The following MAST2 variants were observed in gnomAD, a reference collection of about 807,000 sequenced individuals.
MAST2 encodes the protein microtubule associated serine/threonine kinase 2.
In MAST2, 70 loss-of-function variants were observed where a neutral mutation model predicts 147.4. The ratio of observed to expected loss-of-function variants is 0.47; its 90% CI spans 0.39 to 0.58. MAST2 has a LOEUF of 0.58. Among genes scored for constraint, MAST2 ranks in the 20% least tolerant of loss-of-function variants. MAST2 has a pLI of 0.00. For missense variants in MAST2, 2,080 were observed against 2,302.3 expected, an observed-to-expected ratio of 0.90 and a Z score of 1.98; for synonymous variants, 869 against 896.8, an observed-to-expected ratio of 0.97 and a Z score of 0.55.
intron 4 of MAST2, among the ~76,000 whole-genome samples, chr1:45,888,658 G>A (rs1647203022): frequency 1.9e-5 from 2 of 103,042 alleles, no homozygotes; most frequent in South Asian, 3.0e-4. Context: ...CACCGCGCGC[G>A]GCCTCTTTTT....
chr1:45,869,775 A>G (rs1242100992), intron 3 of MAST2, among the ~76,000 whole-genome samples: 1 of 152,254 alleles, frequency 6.6e-6, no homozygotes, highest in Non-Finnish European at 1.5e-5. Flanking sequence ...TTGATAAAGT[A>G]CAGTATATTA....
chr1:45,905,174 C>CTTTTTT (rs1206585552), intron 4 of MAST2, among the ~76,000 whole-genome samples: 2 of 128,118 alleles, frequency 1.6e-5, no homozygotes, highest in Non-Finnish European at 3.3e-5. Context: ...TATGTTTAAT[C>CTTTTTT]TTTTTTTTTT....
rs116032456 is a variant in MAST2, at chr1:45,952,012, A to G, written c.501-7374A>G. Among the ~76,000 whole-genome samples the G allele has an allele frequency of 6.6e-3, 1,011 of 152,360 alleles. 12 individuals are homozygous for G. The highest frequency in any genetic ancestry group is 0.023 in the African/African-American group (975 of 41,588). Reference sequence around the variant, plus strand: ...ATTGCAGTACTGCAGAGCCATGAAAACAAAGAGAATATCTTAAAGAACCCT... The same window carrying G: ...ATTGCAGTACTGCAGAGCCATGAAAGCAAAGAGAATATCTTAAAGAACCCT... On this transcript the variant is annotated intron_variant, in intron 4 of 28. Coordinates refer to ENST00000361297, the MANE Select transcript of MAST2 (RefSeq NM_015112.3).
intron 4 of MAST2, among the ~76,000 whole-genome samples, chr1:45,934,252 C>T (rs573362320): frequency 3.9e-5 from 6 of 152,232 alleles, no homozygotes; most frequent in East Asian, 1.9e-4. Context: ...ACATAATTTC[C>T]GGTGGGCGGA....
rs566147563 is a variant in MAST2 at position 45,816,878 on chromosome 1, C to T, written c.178-7555C>T. On this transcript the variant is annotated intron_variant, in intron 1 of 28. Coordinates refer to ENST00000361297, the MANE Select transcript of MAST2 (RefSeq NM_015112.3). Reference sequence around the variant, plus strand: ...TTTTTTAGTAGAGACGGGGTTTCACCGTGTCAACCAGGATGGTCTCGATCT... The same window carrying T: ...TTTTTTAGTAGAGACGGGGTTTCACTGTGTCAACCAGGATGGTCTCGATCT... Among the ~76,000 whole-genome samples the T allele has an allele frequency of 9.0e-4, 137 of 152,098 alleles. 2 individuals carry two copies. Among genetic ancestry groups the T allele is most frequent in the Middle Eastern group, 6.8e-3 (2 of 294 alleles).
intron 3 of MAST2, among the ~76,000 whole-genome samples, chr1:45,848,110 A>G (rs998100902): frequency 2.0e-5 from 3 of 152,218 alleles, no homozygotes; most frequent in Admixed American, 6.5e-5. Context: ...TGTATAGGGA[A>G]CAAGGCTGGT....
chr1:45,908,297 A>G (rs561872886), intron 4 of MAST2, among the ~76,000 whole-genome samples: 3 of 152,194 alleles, frequency 2.0e-5, no homozygotes, highest in Non-Finnish European at 4.4e-5. Flanking sequence ...TGCTGCACCC[A>G]TCAACCCATA....
rs1401212593 is a variant in MAST2, at chr1:46,029,669, C to T, written c.2320+102C>T. 4.4e-6 allele frequency: 6 copies of T among 1,377,972 alleles called. No homozygotes were observed. In the Admixed American group the frequency reaches 1.0e-4, roughly 24 times the overall value. 85.4% of individuals were successfully genotyped at this position (1,377,972 alleles called of 1,614,324 possible). The stretch of plus-strand genomic sequence containing the variant: ...CAGGCTTCGGTTACGGGCAGCCCCT[C>T]TGGATCCTGAAACTCTGCCCTGCTC... On this transcript the variant is annotated intron_variant, in intron 19 of 28. Coordinates refer to ENST00000361297, the MANE Select transcript of MAST2 (RefSeq NM_015112.3).
chr1:45,834,268 G>T (rs909278574), intron 3 of MAST2, among the ~76,000 whole-genome samples: 9 of 152,114 alleles, frequency 5.9e-5, no homozygotes, highest in African/African-American at 1.7e-4. Context: ...AAGGGGGCAA[G>T]AATTATACTA....
chr1:45,995,442 A>G (rs372622709), intron 5 of MAST2, among the ~76,000 whole-genome samples: 158 of 120,322 alleles, frequency 1.3e-3, no homozygotes, highest in African/African-American at 4.4e-3. Flanking sequence ...TAAACTGGGA[A>G]GGAGCCATGA....
chr1:46,024,089 TC>T, intron 15 of MAST2, 109 bp downstream of exon 15: 2 of 1,054,712 alleles, frequency 1.9e-6, no homozygotes, highest in Non-Finnish European at 2.9e-6. Flanking sequence ...GGCCCAGCTT[TC>T]CAGTCCACCT....
rs539259579 is a variant in MAST2, at chr1:45,960,500, A to G, written c.592+1023A>G. ...CTGGGCAGCAACAGAATGAGACCCC[A>G]TCTCAAAAAGAAAAAAAGAAAAGAA... On this transcript the variant is annotated intron_variant, in intron 5 of 28. Transcript: ENST00000361297. Among the ~76,000 whole-genome samples, 17 of 152,292 alleles carry G rather than the reference A, an allele frequency of 1.1e-4. No homozygotes were observed. In the South Asian group the frequency reaches 3.5e-3, roughly 32 times the overall value.
At chr1:45,822,467 T>C (rs923368129) in intron 1 of MAST2, among the ~76,000 whole-genome samples, 2 of 152,124 alleles carry the variant, frequency 1.3e-5, no homozygotes, top group Non-Finnish European at 2.9e-5. Flanking sequence ...TGGTGTCTTG[T>C]GGGAAGGAAT....
chr1:45,968,582 T>A (rs1181560888), intron 5 of MAST2, among the ~76,000 whole-genome samples: 1 of 152,034 alleles, frequency 6.6e-6, no homozygotes, highest in African/African-American at 2.4e-5. Flanking sequence ...TCTTCGCTCC[T>A]CTGAAGATAA....
intron 10 of MAST2, among the ~76,000 whole-genome samples, chr1:46,018,825 G>A (rs1646063956): frequency 6.6e-6 from 1 of 152,160 alleles, no homozygotes; most frequent in African/African-American, 2.4e-5. Context: ...CGGCCAAGCA[G>A]ATACCCAAGA....
At chr1:45,837,195 G>A (rs1458973895) in intron 3 of MAST2, among the ~76,000 whole-genome samples, 2 of 152,110 alleles carry the variant, frequency 1.3e-5, no homozygotes, top group East Asian at 3.9e-4. Context: ...CTGCCATGTG[G>A]CCTGGTCCCT....
At chr1:45,888,615 G>A (rs534688469) in intron 4 of MAST2, among the ~76,000 whole-genome samples, 1 of 146,342 alleles carries the variant, frequency 6.8e-6, no homozygotes, top group Non-Finnish European at 1.5e-5. Flanking sequence ...ACCCACCTCG[G>A]CCTCCCAAAG....
intron 4 of MAST2, among the ~76,000 whole-genome samples, chr1:45,950,900 G>A (rs1267151123): frequency 6.6e-6 from 1 of 151,986 alleles, no homozygotes; most frequent in Non-Finnish European, 1.5e-5. Flanking sequence ...TGGGCAACAT[G>A]GTCAAACCCT....
At chr1:45,902,105 A>G (rs1649870949) in intron 4 of MAST2, among the ~76,000 whole-genome samples, 1 of 152,076 alleles carries the variant, frequency 6.6e-6, no homozygotes, top group African/African-American at 2.4e-5. Context: ...GTATGATGCT[A>G]TTGGCTGTGA....
Sources: gnomAD v4.1 joint callset for allele counts (sites outside exome capture counted in the v4.1 genomes callset) on GRCh38, gnomAD v4.1.1 for gene constraint, MANE v1.5 for transcripts, NCBI Gene and HGNC (gene_info 2026-07-23, HGNC 2026-07-21) for gene names.